Variants in CNTN4 observed in about 807,000 individuals in gnomAD.
CNTN4 encodes the protein contactin-4.
Under a neutral mutation model 122.5 loss-of-function variants are expected in CNTN4, and 77 were observed. The ratio of observed to expected loss-of-function variants is 0.63; its 90% CI spans 0.52 to 0.76. CNTN4 has a LOEUF of 0.76. Among genes scored for constraint, CNTN4 ranks in the 30% least tolerant of loss-of-function variants. CNTN4 has a pLI of 0.00. For synonymous variants in CNTN4, 512 were observed against 447.0 expected (o/e 1.15, Z -1.83); for missense variants, 1,256 against 1,259.1 (o/e 1.00, Z 0.04).
At chr3:2,914,061 G>A (rs2094329103) in intron 12 of CNTN4, among the ~76,000 whole-genome samples, 1 of 152,068 alleles carries the variant, frequency 6.6e-6, no homozygotes. Flanking sequence ...GCAATGAATG[G>A]GTCAAAGTAG....
rs544533009 is a variant in CNTN4, at chr3:2,199,060, G to A, written c.-145+98421G>A. On this transcript the variant is annotated intron_variant, in intron 2 of 24. Transcript: ENST00000418658. ...GCCAAGAGATGTCAGAATACCTACA[G>A]CAAACATATAAGCAGTATAATTAGC... 2.6e-5 allele frequency among the ~76,000 whole-genome samples: 4 copies of A among 152,310 alleles called. No individual in the cohort carries two copies. In the East Asian group the frequency reaches 5.8e-4, roughly 22 times the overall value.
chr3:2,437,113 G>T (rs1247139005), intron 3 of CNTN4, among the ~76,000 whole-genome samples: 1 of 151,832 alleles, frequency 6.6e-6, no homozygotes, highest in Non-Finnish European at 1.5e-5. Flanking sequence ...CTTTTTTTCT[G>T]CTTTCTACCC....
intron 3 of CNTN4, among the ~76,000 whole-genome samples, chr3:2,343,525 C>T (rs759534576): frequency 6.6e-6 from 1 of 152,174 alleles, no homozygotes; most frequent in Non-Finnish European, 1.5e-5. Context: ...CATAGTGTAA[C>T]TAAGTAACCA....
intron 3 of CNTN4, among the ~76,000 whole-genome samples, chr3:2,511,051 A>G (rs577162006): frequency 6.6e-6 from 1 of 152,246 alleles, no homozygotes; most frequent in Non-Finnish European, 1.5e-5. Flanking sequence ...CTCTGAAAAG[A>G]ACATACACGT....
In CNTN4 at chr3:2,925,608, AT is replaced by A; in HGVS notation, c.1208-15del. 6.2e-7 allele frequency: 1 copy of A among 1,610,404 alleles called. No individual in the cohort carries two copies. Among genetic ancestry groups the A allele is most frequent in the East Asian group, 2.2e-5 (1 of 44,850 alleles). ...TGGAAGGCTGTCTTGCATAATAATT[AT>A]TTTTTGTACTGTCTTTCAGCTGTAG... On this transcript the variant is annotated intron_variant, in intron 12 of 24. Transcript: ENST00000418658.
At chr3:2,121,954 A>G (rs1052701318) in intron 2 of CNTN4, among the ~76,000 whole-genome samples, 2 of 152,082 alleles carry the variant, frequency 1.3e-5, no homozygotes, top group African/African-American at 4.8e-5. Flanking sequence ...TCACGAGGTC[A>G]GGAGATCGAG....
chr3:2,167,305 G>C (rs2149211516), intron 2 of CNTN4, among the ~76,000 whole-genome samples: 1 of 152,060 alleles, frequency 6.6e-6, no homozygotes, highest in Non-Finnish European at 1.5e-5. Context: ...AATGGATGTG[G>C]AAAAGTATAA....
intron 3 of CNTN4, among the ~76,000 whole-genome samples, chr3:2,399,161 A>G (rs549618983): frequency 2.0e-5 from 3 of 152,040 alleles, no homozygotes; most frequent in South Asian, 2.1e-4. Flanking sequence ...GGCTTTCCCC[A>G]CCCAATATCT....
At chr3:2,130,712 G>A (rs888572236) in intron 2 of CNTN4, among the ~76,000 whole-genome samples, 11 of 152,184 alleles carry the variant, frequency 7.2e-5, no homozygotes, top group African/African-American at 2.2e-4. Flanking sequence ...AGAGAACTGT[G>A]TGGTGTCTAT....
intron 2 of CNTN4, among the ~76,000 whole-genome samples, chr3:2,275,474 A>G (rs1559403238): frequency 1.3e-5 from 2 of 152,176 alleles, no homozygotes. Context: ...TCTGACTCTT[A>G]GGAATCACTA....
At chr3:2,832,448 T>G (rs1441752969) in intron 7 of CNTN4, among the ~76,000 whole-genome samples, 2 of 152,086 alleles carry the variant, frequency 1.3e-5, no homozygotes, top group African/African-American at 4.8e-5. Flanking sequence ...AAAACAGGGT[T>G]CAGTGACCAT....
In CNTN4 at chr3:2,835,630, C is replaced by T. The variant is rs116616469; in HGVS notation, c.454+16049C>T. Among the ~76,000 whole-genome samples, 746 of 152,112 alleles carry T rather than the reference C, an allele frequency of 4.9e-3. 6 individuals are homozygous for T. The highest frequency in any genetic ancestry group is 0.017 in the African/African-American group (698 of 41,510). On this transcript the variant is annotated intron_variant, in intron 7 of 24. Coordinates refer to ENST00000418658, the MANE Select transcript of CNTN4 (RefSeq NM_175607.3). Reference sequence around the variant, plus strand: ...ACACCACAAATTTTTTAAAAACCGTCCCATGCAAATTTCAAATCACATTTC... The same window carrying T: ...ACACCACAAATTTTTTAAAAACCGTTCCATGCAAATTTCAAATCACATTTC...
chr3:2,180,374 TTTA>T (rs2036961386), intron 2 of CNTN4, among the ~76,000 whole-genome samples: 1 of 152,006 alleles, frequency 6.6e-6, no homozygotes, highest in African/African-American at 2.4e-5. Context: ...AGATGTAAAG[TTTA>T]ACCTTATCAA....
chr3:2,580,869 A>G lies in CNTN4; in HGVS notation c.55+9311A>G, dbSNP rs73805338. On this transcript the variant is annotated intron_variant, in intron 4 of 24. Transcript: ENST00000418658. The stretch of plus-strand genomic sequence containing the variant: ...ATCCTAAGTTCATAGATAAGGGGTT[A>G]CATGACCTACCAATAAAACCAGAGC... 5.4e-3 allele frequency among the ~76,000 whole-genome samples: 819 copies of G among 152,314 alleles called. 11 individuals are homozygous for G. The highest frequency in any genetic ancestry group is 0.019 in the African/African-American group (783 of 41,576).
chr3:2,554,681 A>G (rs1179800127), intron 3 of CNTN4, among the ~76,000 whole-genome samples: 1 of 152,192 alleles, frequency 6.6e-6, no homozygotes, highest in Admixed American at 6.5e-5. Flanking sequence ...AAAAGCAGTC[A>G]TAGGCAATGC....
chr3:3,005,900 TTTTGAGACGGA>T (rs1696569685), intron 14 of CNTN4, among the ~76,000 whole-genome samples: 1 of 151,478 alleles, frequency 6.6e-6, no homozygotes, highest in South Asian at 2.1e-4. Context: ...TTTTTTTTTT[TTTTGAGACGGA>T]TTCTCACTGT....
intron 2 of CNTN4, among the ~76,000 whole-genome samples, chr3:2,106,404 G>A (rs992341875): frequency 1.1e-4 from 16 of 152,120 alleles, no homozygotes; most frequent in Admixed American, 5.3e-4. Context: ...AGGCATTTCC[G>A]TACATCTACT....
chr3:2,958,293 C>A (rs1023718867), intron 13 of CNTN4, among the ~76,000 whole-genome samples: 3 of 152,120 alleles, frequency 2.0e-5, no homozygotes, highest in South Asian at 2.1e-4. Flanking sequence ...TAAGTGAGCA[C>A]CCCATTTTAT....
chr3:2,795,920 A>G (rs1162079110), intron 6 of CNTN4, among the ~76,000 whole-genome samples: 1 of 152,182 alleles, frequency 6.6e-6, no homozygotes, highest in African/African-American at 2.4e-5. Context: ...GATTGTGAGT[A>G]ATCTTTTCAT....
Sources: gnomAD v4.1 joint callset for allele counts (sites outside exome capture counted in the v4.1 genomes callset) on GRCh38, gnomAD v4.1.1 for gene constraint, MANE v1.5 for transcripts, NCBI Gene and HGNC (gene_info 2026-07-23, HGNC 2026-07-21) for gene names.